The following ELF3 variants were observed in gnomAD, a reference collection of about 807,000 sequenced individuals.
The protein encoded by ELF3 is E74 like ETS transcription factor 3, also known as ETS-related transcription factor Elf-3.
A neutral mutation model predicts 43.9 loss-of-function variants in ELF3; 18 were observed. The observed-to-expected ratio is 0.41, with a 90% confidence interval of 0.28 to 0.61. The LOEUF (loss-of-function observed/expected upper bound fraction) is 0.61, where lower values mean the gene tolerates loss of function less well. Ranked by LOEUF, ELF3 falls within the 20% of genes least tolerant of loss-of-function variation. The pLI is 0.30. For missense variants in ELF3, 373 were observed against 487.7 expected (o/e 0.76, Z 2.21); for synonymous variants, 181 against 190.2 (o/e 0.95, Z 0.40).
In ELF3 at chr1:202,013,848, G is replaced by A. The variant is rs1245138954; in HGVS notation, c.825G>A (p.Leu275=). 3 of 1,613,296 alleles carry A rather than the reference G, an allele frequency of 1.9e-6. No individual in the cohort carries two copies. The highest frequency in any genetic ancestry group is 1.3e-5 in the African/African-American group (1 of 75,020). ...TTGCAGCGCCCAGAGGCACCCACCTGTGGGAGTTCATCCGGGACATCCTCA... is the reference window on the plus strand; with the variant it reads ...TTGCAGCGCCCAGAGGCACCCACCTATGGGAGTTCATCCGGGACATCCTCA... ...KSKHAPRGTH[L]WEFIRDILIH... Residue 275 remains leucine (L), a synonymous_variant, in exon 8 of 9, where the codon CTG becomes CTA. Coordinates refer to ENST00000367284, the MANE Select transcript of ELF3 (RefSeq NM_004433.5). This position sits in a 1 kb window ranked among gnomAD's most constrained non-coding sequence, Gnocchi z 5.7.
At position 202,013,387 on chromosome 1, in the gene ELF3, G is replaced by A. The variant is rs952512451; in HGVS notation, c.805+89G>A. 4.3e-5 allele frequency: 58 copies of A among 1,336,714 alleles called. No individual in the cohort carries two copies. Among genetic ancestry groups the A allele is most frequent in the African/African-American group, 4.1e-4 (28 of 68,998 alleles). 82.8% of individuals were successfully genotyped at this position (1,336,714 alleles called of 1,614,324 possible). ...GGTTGTTGCAGGTATCCCTTCTCCC[G>A]TTTTCTCTGGCCTCCGCATGGCCTT... On this transcript the variant is annotated intron_variant, in intron 7 of 8. Coordinates refer to ENST00000367284, the MANE Select transcript of ELF3 (RefSeq NM_004433.5). The surrounding 1 kb of genome is among the most constrained non-coding windows in gnomAD (Gnocchi z 5.7).
chr1:202,011,105 C>T, intron 1 of ELF3, 24 bp from the exon 2 acceptor site: 1 of 1,612,698 alleles, frequency 6.2e-7, no homozygotes, highest in Non-Finnish European at 8.5e-7. Flanking sequence ...TCACCAACCT[C>T]ATCCTCTCTC....
chr1:202,011,696 A>T (rs573308678), intron 2 of ELF3: 1 of 509,720 alleles, frequency 2.0e-6, no homozygotes, highest in East Asian at 3.5e-5. Flanking sequence ...ACATGGTGAA[A>T]CCCCGTCTCT....
rs1217545337 is a variant in ELF3, at chr1:202,013,734, G to A, written c.806-95G>A. 9 of 1,373,360 alleles carry A rather than the reference G, an allele frequency of 6.6e-6. No individual in the cohort carries two copies. The Middle Eastern group carries it at 7.0e-4, about 107-fold the overall frequency. The allele number at this position is 1,373,360 out of a possible 1,614,324, so 85.1% of individuals were successfully genotyped here. ...TCTGGAGAGGCTTGCTGCATGCTGTGGCCAAGTCAGCAGTGCACTGGGGCG... is the reference window on the plus strand; with the variant it reads ...TCTGGAGAGGCTTGCTGCATGCTGTAGCCAAGTCAGCAGTGCACTGGGGCG... On this transcript the variant is annotated intron_variant, in intron 7 of 8. Coordinates refer to ENST00000367284, the MANE Select transcript of ELF3 (RefSeq NM_004433.5). The surrounding 1 kb of genome is among the most constrained non-coding windows in gnomAD (Gnocchi z 5.7).
At position 202,013,355 on chromosome 1, in the gene ELF3, C is replaced by A; in HGVS notation, c.805+57C>A. ...CGCCGGGCTGAGCGGCTTCCTGGGG[C>A]ACTGCGGGTTGTTGCAGGTATCCCT... On this transcript the variant is annotated intron_variant, in intron 7 of 8. Transcript: ENST00000367284. This position sits in a 1 kb window ranked among gnomAD's most constrained non-coding sequence, Gnocchi z 5.7. 6.4e-7 allele frequency: 1 copy of A among 1,553,198 alleles called. No individual in the cohort carries two copies. Among genetic ancestry groups the A allele is most frequent in the South Asian group, 1.1e-5 (1 of 88,160 alleles).
chr1:202,014,340 T>G (rs1684272318), intron 8 of ELF3, among the ~76,000 whole-genome samples: 2 of 152,380 alleles, frequency 1.3e-5, no homozygotes, highest in Non-Finnish European at 2.9e-5. Context: ...CCTGGCTTTC[T>G]CCTCGTTGAA....
In ELF3 at chr1:202,013,017, T is replaced by C. The variant is rs1232320551; in HGVS notation, c.669T>C (p.Asp223=). 1.2e-6 allele frequency: 2 copies of C among 1,613,696 alleles called. No homozygotes were observed. The highest frequency in any genetic ancestry group is 1.1e-5 in the South Asian group (1 of 91,016). Residue 223 remains aspartate (D), a synonymous_variant, in exon 6 of 9, where the codon GAT becomes GAC. Coordinates refer to ENST00000367284, the MANE Select transcript of ELF3 (RefSeq NM_004433.5). The surrounding 1 kb of genome is among the most constrained non-coding windows in gnomAD (Gnocchi z 5.7). ...GTGACGTGGACCTGGATCCCACTGA[T>C]GGCAAGCTCTTCCCCAGCGGTGAGT... is the stretch of plus-strand genomic sequence containing the variant. ...GGSDVDLDPT[D]GKLFPSDGFR...
At position 202,011,126 on chromosome 1, in the gene ELF3, C is replaced by T. The variant is rs1421403664; in HGVS notation, c.-8-3C>T. 1.2e-6 allele frequency: 2 copies of T among 1,613,844 alleles called. No individual in the cohort carries two copies. The highest frequency in any genetic ancestry group is 1.7e-6 in the Non-Finnish European group (2 of 1,179,872). On this transcript the variant is annotated splice_region_variant and splice_polypyrimidine_tract_variant and intron_variant, in intron 1 of 8. Coordinates refer to ENST00000367284, the MANE Select transcript of ELF3 (RefSeq NM_004433.5). ...ACCTCATCCTCTCTCCCCCTACCCACAGGTAGCCTCATGGCTGCAACCTGT... is the reference window on the plus strand; with the variant it reads ...ACCTCATCCTCTCTCCCCCTACCCATAGGTAGCCTCATGGCTGCAACCTGT...
chr1:202,011,295 T>C lies in ELF3; in HGVS notation c.159T>C (p.Gly53=). Residue 53 remains glycine, a synonymous_variant, in exon 2 of 9, where the codon GGT becomes GGC. Coordinates refer to ENST00000367284, the MANE Select transcript of ELF3 (RefSeq NM_004433.5). ...GCAACCCCCAGATGTCATTGGAGGGTACAGGTGGGTCTCAGCGGGGTGGGA... is the reference window on the plus strand; with the variant it reads ...GCAACCCCCAGATGTCATTGGAGGGCACAGGTGGGTCTCAGCGGGGTGGGA... ...TLSNPQMSLE[G]TEKASWLGEQ... 1.3e-6 allele frequency: 2 copies of C among 1,578,098 alleles called. No homozygotes were observed. The highest frequency in any genetic ancestry group is 1.4e-5 in the African/African-American group (1 of 73,664).
chr1:202,014,089 C>T (rs2102994159), intron 8 of ELF3, 65 bp downstream of exon 8: 3 of 1,499,560 alleles, frequency 2.0e-6, no homozygotes, highest in South Asian at 1.3e-5. Context: ...ACACTCCCAC[C>T]GCCCTCTTTC....
Position 202,015,303 on chromosome 1 carries a change from G to A in ELF3, c.1096G>A (p.Val366Ile), listed in dbSNP as rs753108982. ...CTCAAGCGGCTGGAAGGAGGAAGAG[G>A]TTCTCCAGAGTCGGAACTGAGGGTT... The part of the protein sequence containing the change: ...KNSSGWKEEE[V>I]LQSRN The change falls in exon 9 of 9, where the codon GTT (valine) becomes ATT (isoleucine). Residue 366 changes from valine to isoleucine, a missense_variant. Physicochemically the swap from Val to Ile is conservative, Grantham distance 29. Coordinates refer to ENST00000367284, the MANE Select transcript of ELF3 (RefSeq NM_004433.5). 2.5e-6 allele frequency: 4 copies of A among 1,613,988 alleles called. No homozygotes were observed. Among genetic ancestry groups the A allele is most frequent in the African/African-American group, 2.7e-5 (2 of 74,918 alleles).
In ELF3 at chr1:202,012,877, C is replaced by T; in HGVS notation, c.599-70C>T. On this transcript the variant is annotated intron_variant, in intron 5 of 8. Transcript: ENST00000367284. The surrounding 1 kb of genome is among the most constrained non-coding windows in gnomAD (Gnocchi z 4.2). Reference sequence around the variant, plus strand: ...AACAGGAACAGGCTGGGAAGTGTGTCCTGAGAGCCAGCAGCGTGGTTGAGC... The same window carrying T: ...AACAGGAACAGGCTGGGAAGTGTGTTCTGAGAGCCAGCAGCGTGGTTGAGC... 6.4e-7 allele frequency: 1 copy of T among 1,563,566 alleles called. No individual in the cohort carries two copies. Among genetic ancestry groups the T allele is most frequent in the South Asian group, 1.2e-5 (1 of 81,206 alleles).
rs943516745 is a variant in ELF3, at chr1:202,011,360, T to C, written c.163+61T>C. On this transcript the variant is annotated intron_variant, in intron 2 of 8. Transcript: ENST00000367284. ...GGAGACAGATCCATCTAAGGGCCTG[T>C]TAGACAAATGGGGGAATAGGCAGGG... 6.7e-6 allele frequency: 10 copies of C among 1,488,376 alleles called. No individual in the cohort carries two copies. In the Admixed American group the frequency reaches 2.1e-4, roughly 32 times the overall value. 92.2% of individuals were successfully genotyped at this position (1,488,376 alleles called of 1,614,324 possible).
rs1684185414 is a variant in ELF3 at position 202,011,196 on chromosome 1, C to T, written c.60C>T (p.Ser20=). Residue 20 remains serine, a synonymous_variant, in exon 2 of 9, where the codon AGC becomes AGT. Coordinates refer to ENST00000367284, the MANE Select transcript of ELF3 (RefSeq NM_004433.5). ...GCAACTACTTCAGTGCGATGTACAG[C>T]TCGGAGGACTCCACCCTGGCCTCTG... is the stretch of plus-strand genomic sequence containing the variant. ...IFSNYFSAMY[S]SEDSTLASVP... 6.2e-7 allele frequency: 1 copy of T among 1,614,106 alleles called. No individual in the cohort carries two copies. Among genetic ancestry groups the T allele is most frequent in the Admixed American group, 1.7e-5 (1 of 60,014 alleles).
At position 202,017,020 on chromosome 1, in the gene ELF3, T is replaced by C. The variant is rs1381773439; in HGVS notation, c.*1697T>C. The C allele has an allele frequency of 6.6e-6, 1 of 152,232 alleles. No individual in the cohort carries two copies. Among genetic ancestry groups the C allele is most frequent in the Non-Finnish European group, 1.5e-5 (1 of 68,044 alleles). The allele number at this position is 152,232 out of a possible 1,614,324, so 9.4% of individuals were successfully genotyped here. A position where few individuals can be genotyped will look rare whatever the true frequency, so the allele number is the denominator to read the frequency against. On this transcript the variant is annotated 3_prime_UTR_variant, in exon 9 of 9. Coordinates refer to ENST00000367284, the MANE Select transcript of ELF3 (RefSeq NM_004433.5). Reference sequence around the variant, plus strand: ...GGGAGGACAGTTCATTGATGTTACTTAAGAATGCTTTCCAGGTGGAAAGTT... The same window carrying C: ...GGGAGGACAGTTCATTGATGTTACTCAAGAATGCTTTCCAGGTGGAAAGTT...
At position 202,013,294 on chromosome 1, in the gene ELF3, G is replaced by A. The variant is rs768254007; in HGVS notation, c.801G>A (p.Lys267=). 1 of 1,613,348 alleles carries A rather than the reference G, an allele frequency of 6.2e-7. No homozygotes were observed. Among genetic ancestry groups the A allele is most frequent in the Non-Finnish European group, 8.5e-7 (1 of 1,179,326 alleles). ...ACTGTCTCGAGGGCAAGAAGAGCAAGCACGGTGAGCTCCGGGGGCACGTGG... is the reference window on the plus strand; with the variant it reads ...ACTGTCTCGAGGGCAAGAAGAGCAAACACGGTGAGCTCCGGGGGCACGTGG... ...YWDCLEGKKS[K]HAPRGTHLWE... Residue 267 remains lysine, a synonymous_variant, in exon 7 of 9, where the codon AAG becomes AAA. Transcript: ENST00000367284. This position sits in a 1 kb window ranked among gnomAD's most constrained non-coding sequence, Gnocchi z 5.7.
In ELF3 at chr1:202,013,405, A is replaced by G. The variant is rs1419310183; in HGVS notation, c.805+107A>G. 3.4e-6 allele frequency: 4 copies of G among 1,160,764 alleles called. No homozygotes were observed. The highest frequency in any genetic ancestry group is 5.0e-6 in the Non-Finnish European group (4 of 797,418). The allele number at this position is 1,160,764 out of a possible 1,614,324, so 71.9% of individuals were successfully genotyped here. The stretch of plus-strand genomic sequence containing the variant: ...TTCTCCCGTTTTCTCTGGCCTCCGC[A>G]TGGCCTTTGGTAAGGCTGTGCACAA... On this transcript the variant is annotated intron_variant, in intron 7 of 8. Coordinates refer to ENST00000367284, the MANE Select transcript of ELF3 (RefSeq NM_004433.5). The surrounding 1 kb of genome is among the most constrained non-coding windows in gnomAD (Gnocchi z 5.7).
rs1056203780 is a variant in ELF3, at chr1:202,013,386, C to T, written c.805+88C>T. On this transcript the variant is annotated intron_variant, in intron 7 of 8. Coordinates refer to ENST00000367284, the MANE Select transcript of ELF3 (RefSeq NM_004433.5). The surrounding 1 kb of genome is among the most constrained non-coding windows in gnomAD (Gnocchi z 5.7). The stretch of plus-strand genomic sequence containing the variant: ...GGGTTGTTGCAGGTATCCCTTCTCC[C>T]GTTTTCTCTGGCCTCCGCATGGCCT... The T allele has an allele frequency of 3.7e-6, 5 of 1,366,752 alleles. No individual in the cohort carries two copies. In the African/African-American group the frequency reaches 4.3e-5, roughly 12 times the overall value. 84.7% of individuals were successfully genotyped at this position (1,366,752 alleles called of 1,614,324 possible).
At position 202,012,313 on chromosome 1, in the gene ELF3, G is replaced by A. The variant is rs1684220064; in HGVS notation, c.386-31G>A. On this transcript the variant is annotated intron_variant, in intron 3 of 8. Coordinates refer to ENST00000367284, the MANE Select transcript of ELF3 (RefSeq NM_004433.5). The surrounding 1 kb of genome is among the most constrained non-coding windows in gnomAD (Gnocchi z 4.2). ...GAGAGCCCTTGAGGGAGGGATTAGG[G>A]GAGTGTGACCCTTCCTTCCTTCCTT... 5 of 1,612,806 alleles carry A rather than the reference G, an allele frequency of 3.1e-6. No homozygotes were observed. The highest frequency in any genetic ancestry group is 1.3e-5 in the African/African-American group (1 of 75,010).
Sources: gnomAD v4.1 joint callset for allele counts (sites outside exome capture counted in the v4.1 genomes callset) on GRCh38, gnomAD v4.1.1 for gene constraint, Gnocchi (gnomAD v3.1) non-coding constraint, MANE v1.5 for transcripts, NCBI Gene and HGNC (gene_info 2026-07-23, HGNC 2026-07-21) for gene names.